TENM2: variants seen among roughly 807,000 people sequenced by gnomAD.
TENM2 encodes teneurin-2.
In TENM2, 52 loss-of-function variants were observed where a neutral mutation model predicts 245.2. That is an observed-to-expected ratio of 0.21 (90% CI 0.17 to 0.27). The LOEUF is 0.27. Ranked by LOEUF, TENM2 falls within the 10% of genes least tolerant of loss-of-function variation. The probability of loss-of-function intolerance (pLI) is 1.00; values close to 1 mark genes in which losing one functional copy is unlikely to be tolerated. For synonymous variants in TENM2, 1,363 were observed against 1,438.9 expected (o/e 0.95, Z 1.19); for missense variants, 3,046 against 3,666.8 (o/e 0.83, Z 4.37).
At chr5:167,696,281 T>C (rs1039366797) in intron 2 of TENM2, among the ~76,000 whole-genome samples, 3 of 152,200 alleles carry the variant, frequency 2.0e-5, no homozygotes, top group African/African-American at 7.2e-5. Flanking sequence ...CAACTTATGA[T>C]ATTATAAAAA....
At chr5:167,062,633 C>G in the TENM2 span, among the ~76,000 whole-genome samples, 1 of 152,160 alleles carries the variant, frequency 6.6e-6, no homozygotes, top group East Asian at 1.9e-4. Context: ...AGGTGTTGTT[C>G]TAGATCCTGG....
chr5:167,500,220 C>A (rs1769120635), intron 2 of TENM2, among the ~76,000 whole-genome samples: 1 of 152,000 alleles, frequency 6.6e-6, no homozygotes, highest in African/African-American at 2.4e-5. Flanking sequence ...GCAGACGTGG[C>A]AGAGTTGAAG....
chr5:167,841,114 T>C (rs1769475798), intron 2 of TENM2, among the ~76,000 whole-genome samples: 1 of 151,876 alleles, frequency 6.6e-6, no homozygotes, highest in Non-Finnish European at 1.5e-5. Flanking sequence ...TGGAGTACAG[T>C]GGCATGATCT....
At chr5:167,873,762 G>A (rs1377616241) in intron 2 of TENM2, among the ~76,000 whole-genome samples, 3 of 152,184 alleles carry the variant, frequency 2.0e-5, no homozygotes, top group African/African-American at 7.2e-5. Flanking sequence ...AAACTCCATC[G>A]TGTTCAGTGT....
the TENM2 span, among the ~76,000 whole-genome samples, chr5:167,092,534 C>G: frequency 2.6e-4 from 39 of 152,234 alleles, 1 homozygote; most frequent in South Asian, 7.5e-3. Context: ...TTAATGAAAA[C>G]CATTTTGGGC....
intron 2 of TENM2, among the ~76,000 whole-genome samples, chr5:167,447,119 A>C (rs756466583): frequency 1.3e-5 from 2 of 152,134 alleles, no homozygotes; most frequent in Non-Finnish European, 2.9e-5. Context: ...AGTGTGTGGA[A>C]TTTATATTGT....
chr5:168,009,603 G>A (rs1785075496), intron 5 of TENM2, among the ~76,000 whole-genome samples: 1 of 152,118 alleles, frequency 6.6e-6, no homozygotes, highest in South Asian at 2.1e-4. Context: ...GATGCTAGGA[G>A]CCCGAAGTAA....
chr5:167,326,470 C>T (rs529140359), intron 1 of TENM2, among the ~76,000 whole-genome samples: 4 of 151,746 alleles, frequency 2.6e-5, no homozygotes, highest in South Asian at 4.2e-4. Flanking sequence ...GTCATGAGAG[C>T]GAGACCATCC....
intron 4 of TENM2, among the ~76,000 whole-genome samples, chr5:167,973,029 T>C (rs535655231): frequency 6.6e-6 from 1 of 152,330 alleles, no homozygotes; most frequent in Non-Finnish European, 1.5e-5. Context: ...TATTTGGCAA[T>C]GTTTGAGTTT....
chr5:167,736,912 C>A (rs1033145306), intron 2 of TENM2, among the ~76,000 whole-genome samples: 11 of 152,146 alleles, frequency 7.2e-5, no homozygotes, highest in African/African-American at 2.2e-4. Context: ...CCTTCCCTAG[C>A]CAGTGAACTA....
At chr5:167,896,053 C>T (rs913298864) in intron 3 of TENM2, among the ~76,000 whole-genome samples, 1 of 152,202 alleles carries the variant, frequency 6.6e-6, no homozygotes, top group Admixed American at 6.5e-5. Flanking sequence ...AGAACAAAAG[C>T]AAACAGATGG....
At chr5:167,041,350 A>T in the TENM2 span, among the ~76,000 whole-genome samples, 1 of 152,192 alleles carries the variant, frequency 6.6e-6, no homozygotes, top group Admixed American at 6.5e-5. Context: ...AAGGTCTCAG[A>T]TATCCACAGC....
chr5:167,568,542 C>T (rs1774054092), intron 2 of TENM2, among the ~76,000 whole-genome samples: 1 of 151,874 alleles, frequency 6.6e-6, no homozygotes, highest in African/African-American at 2.4e-5. Context: ...TATTTCAAGA[C>T]AGTAAGTGTG....
chr5:167,839,643 A>G (rs1769307948), intron 2 of TENM2, among the ~76,000 whole-genome samples: 1 of 152,082 alleles, frequency 6.6e-6, no homozygotes, highest in African/African-American at 2.4e-5. Context: ...CTTCCAATAT[A>G]ATGACCTAAT....
intron 2 of TENM2, among the ~76,000 whole-genome samples, chr5:167,777,826 GA>G (rs899373743): frequency 1.3e-5 from 2 of 151,090 alleles, no homozygotes; most frequent in East Asian, 3.9e-4. Context: ...GTCATTCACA[GA>G]AAAAAAAATG....
intron 1 of TENM2, among the ~76,000 whole-genome samples, chr5:167,299,363 T>A (rs1755169306): frequency 6.6e-6 from 1 of 152,148 alleles, no homozygotes; most frequent in African/African-American, 2.4e-5. Context: ...CCTCTACCTA[T>A]CCAGTGAAAG....
At chr5:167,652,405 C>T (rs984468877) in intron 2 of TENM2, among the ~76,000 whole-genome samples, 4 of 152,144 alleles carry the variant, frequency 2.6e-5, no homozygotes, top group Admixed American at 6.5e-5. Flanking sequence ...TTTTTATCCT[C>T]TTCTATAACT....
chr5:167,629,110 G>A (rs1744921268), intron 2 of TENM2, among the ~76,000 whole-genome samples: 1 of 151,996 alleles, frequency 6.6e-6, no homozygotes, highest in South Asian at 2.1e-4. Flanking sequence ...AGAAAAGTTG[G>A]GCTTAGAAAT....
chr5:168,263,915 G>A (rs984864438), downstream of TENM2: 2 of 151,420 alleles, frequency 1.3e-5, no homozygotes, highest in African/African-American at 4.9e-5. Flanking sequence ...ACCACGAGGA[G>A]AGAAAATTTA....
Sources: allele counts gnomAD v4.1 joint callset (sites outside exome capture counted in the v4.1 genomes callset), GRCh38; gene constraint gnomAD v4.1.1; transcripts MANE v1.5; gene names NCBI Gene and HGNC (gene_info 2026-07-23, HGNC 2026-07-21).